The following GABRB1 variants were observed in gnomAD, a reference collection of about 807,000 sequenced individuals.
The protein encoded by GABRB1 is gamma-aminobutyric acid type A receptor subunit beta1, also known as gamma-aminobutyric acid receptor subunit beta-1.
A neutral mutation model predicts 51.6 loss-of-function variants in GABRB1; 17 were observed. That is an observed-to-expected ratio of 0.33 (90% CI 0.23 to 0.49). The LOEUF (loss-of-function observed/expected upper bound fraction) is 0.49. Among genes scored for constraint, GABRB1 ranks in the 20% least tolerant of loss-of-function variants. The pLI is 0.99. For synonymous variants in GABRB1, 247 were observed against 218.9 expected (o/e 1.13, Z -1.14); for missense variants, 410 against 600.6 (o/e 0.68, Z 3.32).
At chr4:47,372,981 C>A (rs1487686873) in intron 5 of GABRB1, among the ~76,000 whole-genome samples, 1 of 152,178 alleles carries the variant, frequency 6.6e-6, no homozygotes, top group African/African-American at 2.4e-5. Context: ...GACCCACATG[C>A]CCTGCAGGTA....
At chr4:47,364,631 T>A (rs997852115) in intron 5 of GABRB1, among the ~76,000 whole-genome samples, 3 of 145,638 alleles carry the variant, frequency 2.1e-5, no homozygotes, top group East Asian at 2.0e-4. Context: ...CTAAAAAAAA[T>A]TTAAACATGA....
At chr4:46,999,647 T>C (rs888194518) in intron 1 of GABRB1, among the ~76,000 whole-genome samples, 2 of 152,140 alleles carry the variant, frequency 1.3e-5, no homozygotes, top group African/African-American at 4.8e-5. Context: ...TCCAAAGAGC[T>C]GAAGAGACCA....
At chr4:47,074,999 T>C (rs893335214) in intron 3 of GABRB1, among the ~76,000 whole-genome samples, 1 of 152,180 alleles carries the variant, frequency 6.6e-6, no homozygotes, top group African/African-American at 2.4e-5. Flanking sequence ...GAGCTGCTTT[T>C]AGAGCAAGTT....
intron 1 of GABRB1, among the ~76,000 whole-genome samples, chr4:47,007,893 TAA>T (rs10665621): frequency 0.042 from 1,101 of 25,912 alleles, 75 homozygotes; most frequent in East Asian, 0.25. Context: ...TATATATATA[TAA>T]AATCAAGTTT....
chr4:47,133,726 A>G (rs567651199), intron 3 of GABRB1, among the ~76,000 whole-genome samples: 14 of 152,312 alleles, frequency 9.2e-5, no homozygotes, highest in Admixed American at 5.2e-4. Context: ...TATCACAGAA[A>G]TAATGCTGTG....
chr4:47,357,325 C>G (rs1268645839), intron 5 of GABRB1, among the ~76,000 whole-genome samples: 1 of 152,052 alleles, frequency 6.6e-6, no homozygotes, highest in African/African-American at 2.4e-5. Context: ...TTGTAAAAAC[C>G]AGAAGTGAAG....
chr4:47,355,011 A>T (rs1726511940), intron 5 of GABRB1, among the ~76,000 whole-genome samples: 2 of 45,182 alleles, frequency 4.4e-5, no homozygotes, highest in Non-Finnish European at 5.2e-5. Flanking sequence ...TTTTTGACAG[A>T]ATCTCTCTCT....
intron 5 of GABRB1, among the ~76,000 whole-genome samples, chr4:47,321,750 C>G (rs950272404): frequency 1.5e-5 from 2 of 132,156 alleles, no homozygotes; most frequent in African/African-American, 5.9e-5. Context: ...GTTTGTTACC[C>G]TTGAGCACTC....
intron 3 of GABRB1, among the ~76,000 whole-genome samples, chr4:47,121,416 A>C (rs538468401): frequency 6.6e-6 from 1 of 152,280 alleles, no homozygotes; most frequent in Non-Finnish European, 1.5e-5. Flanking sequence ...ATATGAAGTT[A>C]AAAAACCAAG....
intron 8 of GABRB1, among the ~76,000 whole-genome samples, chr4:47,418,433 CTCAATGCTT>C (rs1230313338): frequency 6.6e-6 from 1 of 152,156 alleles, no homozygotes; most frequent in Non-Finnish European, 1.5e-5. Context: ...AGTTTTTGCT[CTCAATGCTT>C]TCAATCAATA....
chr4:47,004,456 TG>T (rs1304628483), intron 1 of GABRB1, among the ~76,000 whole-genome samples: 1 of 152,172 alleles, frequency 6.6e-6, no homozygotes, highest in Non-Finnish European at 1.5e-5. Context: ...TATGGGTACA[TG>T]GTAGGTGTAT....
At chr4:47,375,654 G>A (rs926005076) in intron 5 of GABRB1, among the ~76,000 whole-genome samples, 1 of 152,166 alleles carries the variant, frequency 6.6e-6, no homozygotes, top group African/African-American at 2.4e-5. Context: ...CATTACAAGG[G>A]AAAAGAGCAT....
intron 3 of GABRB1, among the ~76,000 whole-genome samples, chr4:47,033,451 C>T (rs970432322): frequency 6.6e-6 from 1 of 152,132 alleles, no homozygotes; most frequent in Non-Finnish European, 1.5e-5. Context: ...TAGAATCAAC[C>T]ACCCAGGGAA....
At chr4:47,174,982 TCCTTCCTTCCTC>T (rs1255429739) in intron 4 of GABRB1, among the ~76,000 whole-genome samples, 6 of 141,468 alleles carry the variant, frequency 4.2e-5, no homozygotes, top group Admixed American at 1.4e-4. Context: ...CTTTCATCAT[TCCTTCCTTCCTC>T]CCTTCCTTCC....
chr4:47,021,784 C>A (rs566630723), intron 1 of GABRB1, among the ~76,000 whole-genome samples: 2 of 152,032 alleles, frequency 1.3e-5, no homozygotes, highest in African/African-American at 4.8e-5. Context: ...AGCTATGTGA[C>A]CCACTACAAG....
At chr4:47,168,793 C>T (rs1417752012) in intron 4 of GABRB1, among the ~76,000 whole-genome samples, 1 of 152,118 alleles carries the variant, frequency 6.6e-6, no homozygotes, top group Non-Finnish European at 1.5e-5. Context: ...TTTATAGTCT[C>T]ACAGTTCTGG....
intron 4 of GABRB1, among the ~76,000 whole-genome samples, chr4:47,204,606 G>A (rs1231266263): frequency 2.6e-5 from 4 of 152,152 alleles, no homozygotes; most frequent in Non-Finnish European, 1.5e-5. Context: ...GAGGAACCCA[G>A]TGGGAGGTGA....
intron 5 of GABRB1, among the ~76,000 whole-genome samples, chr4:47,333,295 G>A (rs1185501211): frequency 1.3e-5 from 2 of 148,822 alleles, no homozygotes; most frequent in Admixed American, 6.8e-5. Context: ...ATGATGCTAT[G>A]GAAAGGGGAG....
At chr4:47,008,853 C>CTTTTTTTTTTTTTTTTT (rs1491180948) in intron 1 of GABRB1, among the ~76,000 whole-genome samples, 1 of 80,066 alleles carries the variant, frequency 1.2e-5, no homozygotes, top group African/African-American at 5.3e-5. Context: ...CAGATACTAC[C>CTTTTTTTTTTTTTTTTT]TTTTTTTTTT....
Sources: gnomAD v4.1 joint callset for allele counts (sites outside exome capture counted in the v4.1 genomes callset) on GRCh38, gnomAD v4.1.1 for gene constraint, MANE v1.5 for transcripts, NCBI Gene and HGNC (gene_info 2026-07-23, HGNC 2026-07-21) for gene names.